ZNF385D: variants seen among roughly 807,000 people sequenced by gnomAD.
The protein encoded by ZNF385D is zinc finger protein 659.
A neutral mutation model predicts 35.8 loss-of-function variants in ZNF385D; 15 were observed. That is an observed-to-expected ratio of 0.42 (90% CI 0.28 to 0.64). ZNF385D has a LOEUF of 0.64. Ranked by LOEUF, ZNF385D falls within the 30% of genes least tolerant of loss-of-function variation. ZNF385D has a pLI of 0.23. For missense variants in ZNF385D, 474 were observed against 494.6 expected, an observed-to-expected ratio of 0.96 and a Z score of 0.39; for synonymous variants, 212 against 186.8, an observed-to-expected ratio of 1.13 and a Z score of -1.10.
intron 3 of ZNF385D, among the ~76,000 whole-genome samples, chr3:22,125,761 T>C (rs1429960384): frequency 6.6e-6 from 1 of 152,144 alleles, no homozygotes; most frequent in South Asian, 2.1e-4. Context: ...TTTTTGTATG[T>C]TGATTTTGTA....
chr3:21,667,727 A>G (rs1427563025), intron 1 of ZNF385D, among the ~76,000 whole-genome samples: 1 of 152,234 alleles, frequency 6.6e-6, no homozygotes, highest in East Asian at 1.9e-4. Context: ...AGGGTATCCA[A>G]AGAAGTTAAG....
At chr3:21,554,122 G>T (rs1429403799) in intron 3 of ZNF385D, among the ~76,000 whole-genome samples, 1 of 152,060 alleles carries the variant, frequency 6.6e-6, no homozygotes, top group East Asian at 1.9e-4. Context: ...ATTTACTTGG[G>T]CAACATCCAT....
intron 3 of ZNF385D, among the ~76,000 whole-genome samples, chr3:21,880,162 G>T (rs1450608823): frequency 6.6e-6 from 1 of 151,788 alleles, no homozygotes; most frequent in Non-Finnish European, 1.5e-5. Flanking sequence ...ATAAAAGAAT[G>T]ATTTTGTTAC....
chr3:22,039,690 G>C (rs993023769), intron 3 of ZNF385D, among the ~76,000 whole-genome samples: 2 of 151,962 alleles, frequency 1.3e-5, no homozygotes, highest in Admixed American at 6.6e-5. Flanking sequence ...TGCAAATCCA[G>C]GCAAATTACA....
intron 4 of ZNF385D, among the ~76,000 whole-genome samples, chr3:21,503,950 G>A (rs1335616362): frequency 6.6e-6 from 1 of 151,916 alleles, no homozygotes; most frequent in Non-Finnish European, 1.5e-5. Context: ...CAACATCCCT[G>A]GTTTACAATT....
chr3:21,981,329 AT>A (rs1229489256), intron 3 of ZNF385D, among the ~76,000 whole-genome samples: 1 of 151,936 alleles, frequency 6.6e-6, no homozygotes, highest in Non-Finnish European at 1.5e-5. Context: ...TGATATAGAG[AT>A]TTTTTTCAAT....
chr3:21,891,671 C>A, intron 3 of ZNF385D, among the ~76,000 whole-genome samples: 1 of 152,150 alleles, frequency 6.6e-6, no homozygotes, highest in East Asian at 1.9e-4. Context: ...AGTTAATATT[C>A]TAACACAAGT....
At chr3:21,438,077 C>A (rs534626599) in intron 4 of ZNF385D, among the ~76,000 whole-genome samples, 1 of 152,134 alleles carries the variant, frequency 6.6e-6, no homozygotes, top group Non-Finnish European at 1.5e-5. Context: ...AGATCAATCT[C>A]CAAAGTAAAA....
chr3:22,215,165 C>T lies in ZNF385D; in HGVS notation c.107-46130G>A, dbSNP rs559666494. Among the ~76,000 whole-genome samples, 132 of 151,950 alleles carry T rather than the reference C, an allele frequency of 8.7e-4. No individual in the cohort carries two copies. In the South Asian group the frequency reaches 8.7e-3, roughly 10 times the overall value. ...TAGCTGAATTTTCCCCAATATCTGG[C>T]GCCCATGTGGTCTTTCTTAACTGCA... On this transcript the variant is annotated intron_variant, in intron 2 of 5. Transcript: ENST00000494108.
chr3:21,594,571 G>A (rs2064076951), intron 2 of ZNF385D, among the ~76,000 whole-genome samples: 1 of 152,186 alleles, frequency 6.6e-6, no homozygotes, highest in Non-Finnish European at 1.5e-5. Flanking sequence ...AAACGGGATT[G>A]TGGGGGCCTG....
chr3:22,368,891 T>G (rs1240915859), intron 2 of ZNF385D, among the ~76,000 whole-genome samples: 1 of 152,206 alleles, frequency 6.6e-6, no homozygotes, highest in African/African-American at 2.4e-5. Context: ...AGTAAATACA[T>G]TTTTAATTGA....
chr3:21,926,970 C>G (rs1219485510), intron 3 of ZNF385D, among the ~76,000 whole-genome samples: 3 of 152,100 alleles, frequency 2.0e-5, no homozygotes, highest in African/African-American at 2.4e-5. Context: ...GAAATTTGAT[C>G]TCCAATATTG....
chr3:21,890,562 T>C (rs1698798114), intron 3 of ZNF385D, among the ~76,000 whole-genome samples: 1 of 152,006 alleles, frequency 6.6e-6, no homozygotes. Context: ...GAGGTTGCAG[T>C]GAGCCAAGAT....
At chr3:21,529,356 A>C (rs2061864991) in intron 3 of ZNF385D, among the ~76,000 whole-genome samples, 2 of 152,184 alleles carry the variant, frequency 1.3e-5, no homozygotes, top group Admixed American at 1.3e-4. Flanking sequence ...TGATTGATGA[A>C]AACTCTCCAA....
In ZNF385D at chr3:22,346,772, C is replaced by G. The variant is rs181560136; in HGVS notation, c.106+25678G>C. On this transcript the variant is annotated intron_variant, in intron 2 of 5. Transcript: ENST00000494108. The stretch of plus-strand genomic sequence containing the variant: ...AAACCCCAGTGCATTTTATACTAAT[C>G]ATGAAAATACAGACAAGGGAGTTTT... Among the ~76,000 whole-genome samples the G allele has an allele frequency of 1.7e-3, 264 of 152,278 alleles. 1 individual carries two copies. The highest frequency in any genetic ancestry group is 2.8e-3 in the Admixed American group (43 of 15,298).
intron 2 of ZNF385D, among the ~76,000 whole-genome samples, chr3:22,287,962 TTTTG>T (rs1188100642): frequency 1.3e-5 from 2 of 152,062 alleles, no homozygotes; most frequent in Admixed American, 6.6e-5. Context: ...CTCCCTTAGC[TTTTG>T]TTTGTCTGAG....
chr3:21,863,369 G>A (rs1438550117), intron 3 of ZNF385D, among the ~76,000 whole-genome samples: 3 of 151,944 alleles, frequency 2.0e-5, no homozygotes, highest in Admixed American at 6.6e-5. Context: ...CTCTTTTTCT[G>A]AGCCACTGTA....
intron 2 of ZNF385D, among the ~76,000 whole-genome samples, chr3:22,249,197 G>C (rs1397729083): frequency 6.6e-6 from 1 of 152,126 alleles, no homozygotes; most frequent in Non-Finnish European, 1.5e-5. Flanking sequence ...GCATCCATGA[G>C]CATAATGCCA....
At chr3:21,702,556 C>T (rs1397623652) in intron 1 of ZNF385D, among the ~76,000 whole-genome samples, 1 of 152,242 alleles carries the variant, frequency 6.6e-6, no homozygotes, top group South Asian at 2.1e-4. Flanking sequence ...ATGCAAATTT[C>T]TGCAGCCAGC....
Sources: allele counts gnomAD v4.1 joint callset (sites outside exome capture counted in the v4.1 genomes callset), GRCh38; gene constraint gnomAD v4.1.1; transcripts MANE v1.5; gene names NCBI Gene and HGNC (gene_info 2026-07-23, HGNC 2026-07-21).